Variants in PCDH7 observed in about 807,000 individuals in gnomAD.
The protein encoded by PCDH7 is protocadherin-7.
PCDH7 carries 17 observed loss-of-function variants against 58.9 expected under a neutral mutation model. The ratio of observed to expected loss-of-function variants is 0.29; its 90% confidence interval spans 0.20 to 0.43. PCDH7 has a LOEUF of 0.43. PCDH7 is among the 20% of genes least tolerant of loss of function. PCDH7 has a pLI of 1.00. For missense variants in PCDH7, 1,274 were observed against 1,441.0 expected (o/e 0.88, Z 1.88); for synonymous variants, 664 against 616.4 (o/e 1.08, Z -1.14).
intron 3 of PCDH7, among the ~76,000 whole-genome samples, chr4:31,088,211 C>T (rs763580672): frequency 2.6e-5 from 4 of 151,970 alleles, no homozygotes; most frequent in Non-Finnish European, 5.9e-5. Flanking sequence ...CACATGTTTA[C>T]ACAGAGCATC....
At chr4:30,865,267 T>G (rs947670888) in intron 1 of PCDH7, among the ~76,000 whole-genome samples, 2 of 152,098 alleles carry the variant, frequency 1.3e-5, no homozygotes, top group East Asian at 1.9e-4. Context: ...TGTTAAAAAT[T>G]TGAAATGTTT....
intron 3 of PCDH7, among the ~76,000 whole-genome samples, chr4:31,106,049 T>A (rs1286284088): frequency 6.6e-6 from 1 of 151,394 alleles, no homozygotes; most frequent in Non-Finnish European, 1.5e-5. Flanking sequence ...TATATATACT[T>A]TTAAAACTTC....
At chr4:31,138,931 G>A (rs1045554384) in intron 3 of PCDH7, among the ~76,000 whole-genome samples, 75 of 149,888 alleles carry the variant, frequency 5.0e-4, no homozygotes, top group African/African-American at 1.7e-3. Flanking sequence ...AGGCAAGATT[G>A]CACCACTGCA....
At chr4:30,913,397 A>G (rs182037470) in intron 1 of PCDH7, among the ~76,000 whole-genome samples, 2 of 152,296 alleles carry the variant, frequency 1.3e-5, no homozygotes, top group East Asian at 3.9e-4. Flanking sequence ...AGAGATTTAA[A>G]AATATGGACT....
chr4:31,091,958 C>T (rs962795494), intron 3 of PCDH7, among the ~76,000 whole-genome samples: 2 of 151,716 alleles, frequency 1.3e-5, no homozygotes, highest in Middle Eastern at 3.2e-3. Flanking sequence ...ATCTGAAGTA[C>T]GATGATTTCC....
intron 1 of PCDH7, among the ~76,000 whole-genome samples, chr4:30,801,759 A>C (rs182106812): frequency 6.6e-6 from 1 of 152,206 alleles, no homozygotes; most frequent in Admixed American, 6.6e-5. Context: ...AAAAAGGTGT[A>C]TTCCAGCTCC....
chr4:30,883,323 G>A (rs2109373272), intron 1 of PCDH7, among the ~76,000 whole-genome samples: 1 of 152,278 alleles, frequency 6.6e-6, no homozygotes, highest in East Asian at 1.9e-4. Context: ...AGTACTTACT[G>A]AGAATGTGAT....
intron 1 of PCDH7, among the ~76,000 whole-genome samples, chr4:30,780,440 GA>G (rs1285254585): frequency 6.6e-6 from 1 of 151,416 alleles, no homozygotes; most frequent in Non-Finnish European, 1.5e-5. Flanking sequence ...CCAGAAGACA[GA>G]AGTTGCAGTT....
chr4:30,799,692 A>AT (rs2109305181), intron 1 of PCDH7, among the ~76,000 whole-genome samples: 1 of 152,228 alleles, frequency 6.6e-6, no homozygotes, highest in African/African-American at 2.4e-5. Flanking sequence ...GAAAATATTT[A>AT]TTTTTCTAAT....
chr4:31,056,123 C>T (rs1002741726), intron 3 of PCDH7, among the ~76,000 whole-genome samples: 1 of 151,954 alleles, frequency 6.6e-6, no homozygotes, highest in Admixed American at 6.6e-5. Context: ...AATCTCAATA[C>T]TTCGGGAGTC....
chr4:30,975,354 T>C (rs1464231130), intron 3 of PCDH7, among the ~76,000 whole-genome samples: 1 of 152,098 alleles, frequency 6.6e-6, no homozygotes, highest in Admixed American at 6.5e-5. Context: ...TAATAGTGTA[T>C]CTCAAAAATC....
At chr4:30,758,447 C>T (rs1051547348) in intron 1 of PCDH7, among the ~76,000 whole-genome samples, 1 of 152,192 alleles carries the variant, frequency 6.6e-6, no homozygotes, top group Non-Finnish European at 1.5e-5. Context: ...GAATTTAAAA[C>T]ATTTATCTTA....
intron 3 of PCDH7, among the ~76,000 whole-genome samples, chr4:31,056,458 G>GAAAGA (rs376643176): frequency 5.3e-4 from 44 of 83,222 alleles, no homozygotes; most frequent in African/African-American, 1.1e-3. Context: ...AAGAAAGAAA[G>GAAAGA]AAGAAAGAAA....
chr4:31,058,799 G>A (rs1757457235), intron 3 of PCDH7, among the ~76,000 whole-genome samples: 2 of 152,052 alleles, frequency 1.3e-5, no homozygotes, highest in East Asian at 1.9e-4. Context: ...GAGTTTTTGA[G>A]TGGGTGATTC....
intron 3 of PCDH7, among the ~76,000 whole-genome samples, chr4:31,032,605 CAAAAAA>C (rs528974781): frequency 1.2e-5 from 1 of 86,886 alleles, no homozygotes; most frequent in Non-Finnish European, 2.3e-5. Flanking sequence ...CAGATTCTGT[CAAAAAA>C]AAAAAAAAAG....
At chr4:31,061,833 A>G (rs1041816020) in intron 3 of PCDH7, among the ~76,000 whole-genome samples, 1 of 151,768 alleles carries the variant, frequency 6.6e-6, no homozygotes, top group African/African-American at 2.4e-5. Context: ...GCTTTAAATC[A>G]GAATTGATTG....
chr4:30,808,031 G>A (rs1374485408), intron 1 of PCDH7, among the ~76,000 whole-genome samples: 1 of 152,190 alleles, frequency 6.6e-6, no homozygotes, highest in Non-Finnish European at 1.5e-5. Context: ...AGGAGGCAGG[G>A]GAGGGCTTGT....
intron 3 of PCDH7, among the ~76,000 whole-genome samples, chr4:31,047,131 C>T (rs540325156): frequency 1.2e-4 from 18 of 151,880 alleles, no homozygotes; most frequent in South Asian, 8.3e-4. Flanking sequence ...GTAGTTGAAA[C>T]TTTCCTTTTT....
chr4:30,882,996 G>C (rs1737194094), intron 1 of PCDH7, among the ~76,000 whole-genome samples: 1 of 152,128 alleles, frequency 6.6e-6, no homozygotes, highest in Non-Finnish European at 1.5e-5. Flanking sequence ...TTCCCTTTCA[G>C]TGTGATACAT....
Sources: gnomAD v4.1 joint callset for allele counts (sites outside exome capture counted in the v4.1 genomes callset) on GRCh38, gnomAD v4.1.1 for gene constraint, MANE v1.5 for transcripts, NCBI Gene and HGNC (gene_info 2026-07-23, HGNC 2026-07-21) for gene names.